DENND1B: variants seen among roughly 807,000 people sequenced by gnomAD.
The protein encoded by DENND1B is DENN domain-containing protein 1B.
In DENND1B, 59 loss-of-function variants were observed where a neutral mutation model predicts 90.1. The ratio of observed to expected loss-of-function variants is 0.65; its 90% CI spans 0.53 to 0.81. DENND1B has a LOEUF of 0.81. Ranked by LOEUF, DENND1B falls within the 40% of genes least tolerant of loss-of-function variation. The pLI, the probability that DENND1B is intolerant of heterozygous loss-of-function variation, is 0.00. For missense variants in DENND1B, 862 were observed against 912.6 expected, an observed-to-expected ratio of 0.94 and a Z score of 0.71; for synonymous variants, 337 against 324.6, an observed-to-expected ratio of 1.04 and a Z score of -0.41.
At chr1:197,602,765 C>T (rs1274900830) in intron 13 of DENND1B, among the ~76,000 whole-genome samples, 1 of 151,370 alleles carries the variant, frequency 6.6e-6, no homozygotes, top group East Asian at 1.9e-4. Flanking sequence ...CCTGAAAAAA[C>T]TAATTCTCTC....
chr1:197,529,192 T>C (rs1227120020), intron 20 of DENND1B, among the ~76,000 whole-genome samples: 2 of 136,774 alleles, frequency 1.5e-5, no homozygotes, highest in Non-Finnish European at 3.0e-5. Flanking sequence ...CGACATGAAA[T>C]AGTTAAGAGT....
chr1:197,689,315 TACTC>T (rs959729160), intron 3 of DENND1B: 10 of 152,188 alleles, frequency 6.6e-5, no homozygotes, highest in Admixed American at 4.6e-4. Context: ...TCGTGAGACT[TACTC>T]ACTACCATGA....
At chr1:197,633,918 C>T (rs1220878009) in intron 10 of DENND1B, among the ~76,000 whole-genome samples, 3 of 152,152 alleles carry the variant, frequency 2.0e-5, no homozygotes, top group Non-Finnish European at 4.4e-5. Context: ...GCGAGTGAGG[C>T]ATCTCTTGCA....
chr1:197,565,187 T>C (rs1174831926), intron 15 of DENND1B, among the ~76,000 whole-genome samples: 1 of 152,028 alleles, frequency 6.6e-6, no homozygotes, highest in Non-Finnish European at 1.5e-5. Context: ...AATAGGAAAA[T>C]GTAGAAATCT....
chr1:197,658,899 T>A (rs1775452), intron 5 of DENND1B, among the ~76,000 whole-genome samples: 45,391 of 150,726 alleles, frequency 0.3, 7,081 homozygotes, highest in Middle Eastern at 0.43. Context: ...ATGACTTTTA[T>A]ATATCAAAAC....
chr1:197,742,370 T>G (rs906132541), intron 2 of DENND1B, among the ~76,000 whole-genome samples: 1 of 152,140 alleles, frequency 6.6e-6, no homozygotes, highest in Non-Finnish European at 1.5e-5. Context: ...CCCACTTATA[T>G]AATACTCTAA....
chr1:197,650,483 A>G (rs916648882), intron 7 of DENND1B, among the ~76,000 whole-genome samples: 1 of 152,218 alleles, frequency 6.6e-6, no homozygotes, highest in African/African-American at 2.4e-5. Context: ...CTAAAAGTAG[A>G]ACTACCATCT....
intron 14 of DENND1B, among the ~76,000 whole-genome samples, chr1:197,593,283 T>C (rs776855813): frequency 1.3e-5 from 2 of 150,290 alleles, no homozygotes; most frequent in Non-Finnish European, 3.0e-5. Context: ...TCAGTATACA[T>C]TAAAAAGGAA....
intron 2 of DENND1B, among the ~76,000 whole-genome samples, chr1:197,749,753 G>T (rs1037155324): frequency 6.6e-6 from 1 of 151,914 alleles, no homozygotes; most frequent in Non-Finnish European, 1.5e-5. Flanking sequence ...TTTTAAAAAA[G>T]GAACTGATTG....
At chr1:197,627,858 A>G (rs1678920744) in intron 10 of DENND1B, among the ~76,000 whole-genome samples, 2 of 152,154 alleles carry the variant, frequency 1.3e-5, no homozygotes. Context: ...AATGTACAAA[A>G]ATCACAAGCA....
At chr1:197,605,279 A>G (rs1395426931) in intron 13 of DENND1B, among the ~76,000 whole-genome samples, 4 of 151,166 alleles carry the variant, frequency 2.6e-5, no homozygotes, top group African/African-American at 7.2e-5. Flanking sequence ...GTGAAATATT[A>G]TTTAACTTCT....
intron 20 of DENND1B, among the ~76,000 whole-genome samples, chr1:197,523,397 G>T (rs541976403): frequency 1.3e-5 from 2 of 152,246 alleles, no homozygotes; most frequent in African/African-American, 4.8e-5. Context: ...TCTCTGCCAT[G>T]AAAAGAAAGT....
At chr1:197,562,246 C>T (rs1007795854) in intron 15 of DENND1B, among the ~76,000 whole-genome samples, 4 of 151,878 alleles carry the variant, frequency 2.6e-5, no homozygotes, top group Admixed American at 2.0e-4. Context: ...CAAAACACTT[C>T]CTATTATACA....
chr1:197,741,169 C>A (rs540673211), intron 2 of DENND1B, among the ~76,000 whole-genome samples: 3 of 152,130 alleles, frequency 2.0e-5, no homozygotes, highest in Non-Finnish European at 4.4e-5. Context: ...TCCTTCAAAT[C>A]AAGATAAACA....
chr1:197,609,567 G>A (rs945121275), intron 12 of DENND1B, among the ~76,000 whole-genome samples: 1 of 150,364 alleles, frequency 6.7e-6, no homozygotes, highest in Admixed American at 6.7e-5. Context: ...AAAAGATCTG[G>A]CCATCCTTTA....
At chr1:197,637,661 C>T (rs16841840) in intron 10 of DENND1B, among the ~76,000 whole-genome samples, 402 of 152,250 alleles carry the variant, frequency 2.6e-3, no homozygotes, top group African/African-American at 7.1e-3. Context: ...TTCAGAATAG[C>T]TGTGTACCGG....
intron 2 of DENND1B, chr1:197,736,060 A>G: frequency 1.2e-6 from 1 of 846,140 alleles, no homozygotes; most frequent in Non-Finnish European, 2.0e-6. Flanking sequence ...TAAGTAAATG[A>G]TTGTGAAGCC....
intron 3 of DENND1B, among the ~76,000 whole-genome samples, chr1:197,688,457 T>C (rs1657490975): frequency 6.6e-6 from 1 of 152,114 alleles, no homozygotes; most frequent in Non-Finnish European, 1.5e-5. Context: ...AGTACGGTAC[T>C]GGCAGAAAGA....
chr1:197,644,072 T>C (rs921463683), intron 9 of DENND1B, among the ~76,000 whole-genome samples: 2 of 152,214 alleles, frequency 1.3e-5, no homozygotes, highest in Admixed American at 6.5e-5. Context: ...CAATAGAACC[T>C]GTAACTATCA....
Sources: gnomAD v4.1 joint callset for allele counts (sites outside exome capture counted in the v4.1 genomes callset) on GRCh38, gnomAD v4.1.1 for gene constraint, MANE v1.5 for transcripts, NCBI Gene and HGNC (gene_info 2026-07-23, HGNC 2026-07-21) for gene names.